Variants in AGBL1 observed in about 807,000 individuals in gnomAD.
The protein encoded by AGBL1 is AGBL carboxypeptidase 1.
A neutral mutation model predicts 118.9 loss-of-function variants in AGBL1; 130 were observed. That is an observed-to-expected ratio of 1.09 (90% CI 0.95 to 1.26). The LOEUF (loss-of-function observed/expected upper bound fraction) is 1.26. Among genes scored for constraint, AGBL1 ranks in the 50% most tolerant of loss-of-function variants. The probability of loss-of-function intolerance (pLI) is 0.00; values close to 1 mark genes in which losing one functional copy is unlikely to be tolerated. For missense variants in AGBL1, 1,584 were observed against 1,298.1 expected, an observed-to-expected ratio of 1.22 and a Z score of -3.38; for synonymous variants, 555 against 478.9, an observed-to-expected ratio of 1.16 and a Z score of -2.08.
In AGBL1 at chr15:87,022,928, C is replaced by T. The variant is rs376845801; in HGVS notation, c.3324-5897C>T. 1.1e-4 allele frequency among the ~76,000 whole-genome samples: 17 copies of T among 152,166 alleles called. No individual in the cohort carries two copies. The South Asian group carries it at 3.3e-3, about 30-fold the overall frequency. ...AAATGCTGAGAGAATTTACCACTAC[C>T]ATGCCACCACTACAAGAACTGCTTT... On this transcript the variant is annotated intron_variant, in intron 24 of 24. Coordinates refer to the AGBL1 transcript ENST00000441037.
At chr15:86,817,614 AAG>A (rs997415842) in intron 22 of AGBL1, among the ~76,000 whole-genome samples, 1 of 142,002 alleles carries the variant, frequency 7.0e-6, no homozygotes, top group Admixed American at 7.1e-5. Flanking sequence ...GAGAGAGAAA[AAG>A]AGACAGGCAT....
intron 21 of AGBL1, among the ~76,000 whole-genome samples, chr15:86,620,865 A>G (rs2084792655): frequency 6.6e-6 from 1 of 151,092 alleles, no homozygotes; most frequent in Non-Finnish European, 1.5e-5. Context: ...TGCCGCCTGC[A>G]TGTCTCTCTT....
chr15:86,804,844 T>A (rs2078695579), intron 22 of AGBL1, among the ~76,000 whole-genome samples: 1 of 152,132 alleles, frequency 6.6e-6, no homozygotes, highest in South Asian at 2.1e-4. Context: ...TTGGAAGAAT[T>A]ATTTTCCAAA....
intron 18 of AGBL1, among the ~76,000 whole-genome samples, chr15:86,509,043 T>G (rs578188286): frequency 1.3e-5 from 2 of 152,254 alleles, no homozygotes; most frequent in East Asian, 1.9e-4. Context: ...CATCTGATAC[T>G]GAGAGTCTAA....
intron 22 of AGBL1, among the ~76,000 whole-genome samples, chr15:86,745,828 A>C (rs998784676): frequency 6.6e-6 from 1 of 152,044 alleles, no homozygotes; most frequent in Non-Finnish European, 1.5e-5. Flanking sequence ...CTTTCCCATG[A>C]CACCTGGAGA....
intron 17 of AGBL1, among the ~76,000 whole-genome samples, chr15:86,383,998 A>G (rs1343916886): frequency 1.3e-5 from 2 of 152,220 alleles, no homozygotes; most frequent in African/African-American, 4.8e-5. Flanking sequence ...ACCTAGTGAA[A>G]TGTAATAAAG....
intron 16 of AGBL1, among the ~76,000 whole-genome samples, chr15:86,291,552 G>A (rs1005505299): frequency 6.6e-6 from 1 of 152,154 alleles, no homozygotes; most frequent in African/African-American, 2.4e-5. Context: ...AGAATACAGA[G>A]AAGGCAACAA....
At chr15:86,387,488 G>C (rs1009264534) in intron 17 of AGBL1, among the ~76,000 whole-genome samples, 1 of 152,116 alleles carries the variant, frequency 6.6e-6, no homozygotes, top group Non-Finnish European at 1.5e-5. Context: ...AGATGTTAAG[G>C]AAGAGGTTGT....
intron 5 of AGBL1, among the ~76,000 whole-genome samples, chr15:86,177,984 CA>C (rs1723354450): frequency 1.3e-5 from 2 of 152,042 alleles, no homozygotes; most frequent in African/African-American, 4.8e-5. Context: ...GCAATTCAAT[CA>C]AAAGTTGGTT....
At chr15:86,148,704 C>T (rs960157130) in intron 3 of AGBL1, among the ~76,000 whole-genome samples, 6 of 152,198 alleles carry the variant, frequency 3.9e-5, no homozygotes, top group Non-Finnish European at 1.5e-5. Context: ...AACCACTCTT[C>T]AGGATATTAT....
At chr15:86,679,695 T>C (rs995964140) in intron 22 of AGBL1, among the ~76,000 whole-genome samples, 1 of 152,120 alleles carries the variant, frequency 6.6e-6, no homozygotes, top group African/African-American at 2.4e-5. Context: ...TGGTTTGATA[T>C]TAATATTTGA....
At chr15:86,246,775 C>T (rs538681484) in intron 6 of AGBL1, among the ~76,000 whole-genome samples, 125 of 152,264 alleles carry the variant, frequency 8.2e-4, no homozygotes, top group Non-Finnish European at 1.6e-3. Context: ...AATTAGCTTC[C>T]ATTCTCTTTA....
intron 22 of AGBL1, among the ~76,000 whole-genome samples, chr15:86,687,655 C>G (rs114874628): frequency 1.3e-5 from 2 of 152,110 alleles, no homozygotes; most frequent in African/African-American, 4.8e-5. Flanking sequence ...AAGAGTAAAG[C>G]ATAGGCTAAG....
In AGBL1 at chr15:86,255,395, G is replaced by A. The variant is rs192276574; in HGVS notation, c.736-1458G>A. 1.1e-4 allele frequency among the ~76,000 whole-genome samples: 16 copies of A among 152,244 alleles called. No individual in the cohort carries two copies. The East Asian group carries it at 2.9e-3, about 28-fold the overall frequency. The stretch of plus-strand genomic sequence containing the variant: ...AGTATTTCCTGCTGTGTATCCTGAG[G>A]CTGTTGATTCAGAACACCTGATGGG... On this transcript the variant is annotated intron_variant, in intron 7 of 22. Coordinates refer to ENST00000614907, the MANE Select transcript of AGBL1 (RefSeq NM_001386094.1).
intron 18 of AGBL1, among the ~76,000 whole-genome samples, chr15:86,454,358 A>G (rs2082235111): frequency 6.6e-6 from 1 of 152,208 alleles, no homozygotes; most frequent in Non-Finnish European, 1.5e-5. Flanking sequence ...TTTGGAAAAC[A>G]TTTTTGAAGT....
chr15:86,830,806 A>G (rs914020880), intron 22 of AGBL1, among the ~76,000 whole-genome samples: 2 of 151,944 alleles, frequency 1.3e-5, no homozygotes, highest in African/African-American at 4.8e-5. Context: ...GTCAGCAAGG[A>G]CTCCACCCAT....
intron 21 of AGBL1, among the ~76,000 whole-genome samples, chr15:86,636,954 A>T (rs1596326822): frequency 6.6e-6 from 1 of 151,694 alleles, no homozygotes; most frequent in East Asian, 2.0e-4. Flanking sequence ...AACAGATCTC[A>T]TCTTCAAGGA....
rs377519968 is a variant in AGBL1 at position 86,517,715 on chromosome 15, A to G, written c.2556-5095A>G. Among the ~76,000 whole-genome samples the G allele has an allele frequency of 1.2e-4, 18 of 152,276 alleles. No individual in the cohort carries two copies. The East Asian group carries it at 3.1e-3, about 26-fold the overall frequency. On this transcript the variant is annotated intron_variant, in intron 18 of 22. Transcript: ENST00000614907. ...GCGTGACAAAAAATATCCTGAACATAATAACATGTCCCTGACAACCCTGGT... is the reference window on the plus strand; with the variant it reads ...GCGTGACAAAAAATATCCTGAACATGATAACATGTCCCTGACAACCCTGGT...
intron 24 of AGBL1, among the ~76,000 whole-genome samples, chr15:86,999,413 T>C (rs1596723980): frequency 7.0e-6 from 1 of 142,590 alleles, no homozygotes; most frequent in Non-Finnish European, 1.5e-5. Context: ...GATATTCCCC[T>C]TCCTGTGTCC....
Sources: gnomAD v4.1 joint callset for allele counts (sites outside exome capture counted in the v4.1 genomes callset) on GRCh38, gnomAD v4.1.1 for gene constraint, MANE v1.5 for transcripts, NCBI Gene and HGNC (gene_info 2026-07-23, HGNC 2026-07-21) for gene names.